The following PRSS38 variants were observed in gnomAD, a reference collection of about 807,000 sequenced individuals.
PRSS38 encodes marapsin 2.
PRSS38 carries 22 observed loss-of-function variants against 26.8 expected under a neutral mutation model. That is an observed-to-expected ratio of 0.82 (90% CI 0.59 to 1.17). The LOEUF (loss-of-function observed/expected upper bound fraction) is 1.17, where lower values mean the gene tolerates loss of function less well. Ranked by LOEUF, PRSS38 falls within the 50% of genes most tolerant of loss-of-function variation. The pLI, the probability that PRSS38 is intolerant of heterozygous loss-of-function variation, is 0.00. For synonymous variants in PRSS38, 175 were observed against 172.1 expected (o/e 1.02, Z -0.13); for missense variants, 427 against 422.7 (o/e 1.01, Z -0.09).
intron 3 of PRSS38, among the ~76,000 whole-genome samples, chr1:227,844,019 C>T (rs1281016472): frequency 6.6e-6 from 1 of 152,126 alleles, no homozygotes; most frequent in Non-Finnish European, 1.5e-5. Flanking sequence ...ACAAAACAAA[C>T]AAAAAACCCT....
chr1:227,827,558 G>A (rs1216774530), intron 3 of PRSS38, among the ~76,000 whole-genome samples: 1 of 151,372 alleles, frequency 6.6e-6, no homozygotes, highest in African/African-American at 2.4e-5. Context: ...TTCTGATTGT[G>A]TTTATTTGAT....
In PRSS38 at chr1:227,830,794, C is replaced by T. The variant is rs1038851769; in HGVS notation, c.583+13314C>T. Among the ~76,000 whole-genome samples, 18 of 152,006 alleles carry T rather than the reference C, an allele frequency of 1.2e-4. 1 individual carries two copies. Among genetic ancestry groups the T allele is most frequent in the Admixed American group, 2.6e-4 (4 of 15,254 alleles). ...TGCTGGGATTACAGGCTTGAGCCAC[C>T]GTGCCCGGCCTTAAGGTATCTAATT... On this transcript the variant is annotated intron_variant, in intron 3 of 4. Coordinates refer to ENST00000366757, the Ensembl canonical transcript of PRSS38.
At chr1:227,818,121 G>A (rs1424788347) in intron 3 of PRSS38, among the ~76,000 whole-genome samples, 2 of 151,850 alleles carry the variant, frequency 1.3e-5, no homozygotes, top group African/African-American at 4.8e-5. Flanking sequence ...TCTTACAATG[G>A]TTGGAACCTC....
At chr1:227,815,943 C>G (rs1249351803) in intron 1 of PRSS38, 79 bp downstream of exon 1, 2 of 1,519,500 alleles carry the variant, frequency 1.3e-6, no homozygotes, top group Non-Finnish European at 1.8e-6. Flanking sequence ...CCTCCTCCCC[C>G]ATGTCGCCTG....
At position 227,816,570 on chromosome 1, in the gene PRSS38, T is replaced by C. The variant is rs1243645846; in HGVS notation, c.311+318T>C. Among the ~76,000 whole-genome samples, 1 of 151,280 alleles carries C rather than the reference T, an allele frequency of 6.6e-6. No homozygotes were observed. Among genetic ancestry groups the C allele is most frequent in the African/African-American group, 2.4e-5 (1 of 41,020 alleles). On this transcript the variant is annotated intron_variant, in intron 2 of 4. Transcript: ENST00000366757. This position sits in a 1 kb window ranked among gnomAD's most constrained non-coding sequence, Gnocchi z 5.1. The stretch of plus-strand genomic sequence containing the variant: ...GTTAGGTTCCCATGAGCTAGGTTGG[T>C]CCTCAAATGCACAGCCTGGTCCCCA...
In PRSS38 at chr1:227,845,936, C is replaced by T; in HGVS notation, c.727-18C>T. ...CCTGGGACTCCCAGTTCACAAAAAA[C>T]TCCCTCTTCCTTTCTAGGGCGACTC... On this transcript the variant is annotated intron_variant, in intron 4 of 4. Transcript: ENST00000366757. 1.9e-6 allele frequency: 3 copies of T among 1,613,166 alleles called. No individual in the cohort carries two copies. The highest frequency in any genetic ancestry group is 2.5e-6 in the Non-Finnish European group (3 of 1,179,732).
chr1:227,827,622 T>C (rs76725378), intron 3 of PRSS38, among the ~76,000 whole-genome samples: 14,305 of 148,868 alleles, frequency 0.096, 722 homozygotes, highest in Non-Finnish European at 0.11. Context: ...TTATTAATTT[T>C]TTTTTTTTTT....
At chr1:227,829,381 A>G (rs1013760511) in intron 3 of PRSS38, among the ~76,000 whole-genome samples, 20 of 152,216 alleles carry the variant, frequency 1.3e-4, no homozygotes, top group African/African-American at 4.6e-4. Context: ...TCTGACGATT[A>G]GTGATATTGA....
chr1:227,842,962 G>A (rs942548368), intron 3 of PRSS38, among the ~76,000 whole-genome samples: 3 of 152,122 alleles, frequency 2.0e-5, no homozygotes, highest in Non-Finnish European at 1.5e-5. Flanking sequence ...CAGAGAATCC[G>A]TTGCCCTCAG....
chr1:227,846,093 G>A (rs1444612821), exon 5 of PRSS38: 2 of 1,614,216 alleles, frequency 1.2e-6, no homozygotes, highest in African/African-American at 1.3e-5. Context: ...AAATGGATAT[G>A]TGATAACATA....
intron 1 of PRSS38, 109 bp from the exon 2 acceptor site, chr1:227,815,981 C>T: frequency 7.3e-6 from 11 of 1,502,608 alleles, no homozygotes; most frequent in Non-Finnish European, 1.0e-5. Flanking sequence ...CCCATGTCCC[C>T]TGCCTTCCCT....
At chr1:227,841,634 T>G (rs1313338298) in intron 3 of PRSS38, among the ~76,000 whole-genome samples, 3 of 152,226 alleles carry the variant, frequency 2.0e-5, no homozygotes, top group Non-Finnish European at 2.9e-5. Context: ...CCAGTAATCC[T>G]TGACCACATT....
At position 227,816,344 on chromosome 1, in the gene PRSS38, A is replaced by ATCACCATTGTCGACTCCCT. The variant is rs1664916367; in HGVS notation, c.311+99_311+117dup. On this transcript the variant is annotated intron_variant, in intron 2 of 4. Coordinates refer to ENST00000366757, the Ensembl canonical transcript of PRSS38. The surrounding 1 kb of genome is among the most constrained non-coding windows in gnomAD (Gnocchi z 5.1). ...GATGGACCCCACGCAAGCCTCCCCC[A>ATCACCATTGTCGACTCCCT]TCACCATTGTCGACTCCCTTCACCA... The ATCACCATTGTCGACTCCCT allele has an allele frequency of 7.3e-7, 1 of 1,364,848 alleles. No homozygotes were observed. The highest frequency in any genetic ancestry group is 1.0e-6 in the Non-Finnish European group (1 of 990,402). 84.5% of individuals were successfully genotyped at this position (1,364,848 alleles called of 1,614,324 possible).
Position 227,845,929 on chromosome 1 carries a change from C to CA in PRSS38, c.727-19dup, listed in dbSNP as rs752870990. 2.0e-5 allele frequency: 33 copies of CA among 1,612,476 alleles called. No individual in the cohort carries two copies. In the African/African-American group the frequency reaches 3.6e-4, roughly 18 times the overall value. On this transcript the variant is annotated intron_variant, in intron 4 of 4. Transcript: ENST00000366757. ...CGGCAGGCCTGGGACTCCCAGTTCA[C>CA]AAAAAACTCCCTCTTCCTTTCTAGG...
At chr1:227,826,696 A>G (rs2102677109) in intron 3 of PRSS38, among the ~76,000 whole-genome samples, 1 of 152,120 alleles carries the variant, frequency 6.6e-6, no homozygotes, top group East Asian at 1.9e-4. Context: ...AGCCTGAGTG[A>G]CAGAGTGAAC....
chr1:227,839,500 C>A (rs1261138621), intron 3 of PRSS38, among the ~76,000 whole-genome samples: 1 of 150,698 alleles, frequency 6.6e-6, no homozygotes, highest in Non-Finnish European at 1.5e-5. Flanking sequence ...CAGAGCAGGA[C>A]CCTGTCTCAA....
At position 227,816,248 on chromosome 1, in the gene PRSS38, C is replaced by T. The variant is rs1664914059; in HGVS notation, c.307C>T (p.His103Tyr). 1 of 1,610,268 alleles carries T rather than the reference C, an allele frequency of 6.2e-7. No individual in the cohort carries two copies. The highest frequency in any genetic ancestry group is 8.5e-7 in the Non-Finnish European group (1 of 1,177,160). ...GGTGCTGTCAGCTGCGCACTGCTTTCACAGGTAAGCGGGCGCCGGCCTGGG... is the reference window on the plus strand; with the variant it reads ...GGTGCTGTCAGCTGCGCACTGCTTTTACAGGTAAGCGGGCGCCGGCCTGGG... The change falls in exon 2 of 5, where the codon CAC (histidine) becomes TAC (tyrosine). Residue 103 changes from histidine to tyrosine, a missense_variant. His to Tyr is a moderately conservative substitution (Grantham distance 83, BLOSUM62 2). Transcript: ENST00000366757. The surrounding 1 kb of genome is among the most constrained non-coding windows in gnomAD (Gnocchi z 5.1).
chr1:227,845,805 T>G (rs1226924801), intron 4 of PRSS38, 149 bp from the exon 5 acceptor site: 1 of 1,270,198 alleles, frequency 7.9e-7, no homozygotes, highest in Non-Finnish European at 1.1e-6. Flanking sequence ...TGGGCTGTGT[T>G]GCAGCCAGTA....
chr1:227,834,439 C>T (rs192901339), intron 3 of PRSS38, among the ~76,000 whole-genome samples: 3 of 152,108 alleles, frequency 2.0e-5, no homozygotes, highest in East Asian at 1.9e-4. Flanking sequence ...GAGGCCAAGG[C>T]GGGCAGATTA....
Sources: allele counts gnomAD v4.1 joint callset (sites outside exome capture counted in the v4.1 genomes callset), GRCh38; gene constraint gnomAD v4.1.1; non-coding constraint Gnocchi (gnomAD v3.1); transcripts MANE v1.5; gene names NCBI Gene and HGNC (gene_info 2026-07-23, HGNC 2026-07-21).